The following COPB1 variants were observed in gnomAD, a reference collection of about 807,000 sequenced individuals.
The protein encoded by COPB1 is coatomer subunit beta.
A neutral mutation model predicts 108.7 loss-of-function variants in COPB1; 21 were observed. The ratio of observed to expected loss-of-function variants is 0.19; its 90% CI spans 0.14 to 0.28. The LOEUF (loss-of-function observed/expected upper bound fraction) is 0.28. COPB1 is among the 10% of genes least tolerant of loss of function. The pLI, the probability that COPB1 is intolerant of heterozygous loss-of-function variation, is 1.00. For synonymous variants in COPB1, 378 were observed against 386.8 expected (o/e 0.98, Z 0.27); for missense variants, 919 against 1,141.3 (o/e 0.81, Z 2.81).
chr11:14,481,102 A>G lies in COPB1; in HGVS notation c.958-5T>C. On this transcript the variant is annotated splice_region_variant and splice_polypyrimidine_tract_variant and intron_variant, in intron 8 of 21. Transcript: ENST00000439561. ...TAGGATATCCATAACCAGATCCTAA[A>G]AAAGAAGAAAAAATCAAGAATTAAC... 4 of 1,595,864 alleles carry G rather than the reference A, an allele frequency of 2.5e-6. No homozygotes were observed. The highest frequency in any genetic ancestry group is 1.1e-5 in the South Asian group (1 of 88,100).
chr11:14,496,745 T>C (rs758902343), intron 2 of COPB1, among the ~76,000 whole-genome samples: 2 of 149,098 alleles, frequency 1.3e-5, no homozygotes, highest in Non-Finnish European at 3.0e-5. Context: ...TAGCCAAAGC[T>C]ATCCTAAGCA....
intron 4 of COPB1, among the ~76,000 whole-genome samples, chr11:14,492,112 T>G (rs1850917766): frequency 6.6e-6 from 1 of 152,206 alleles, no homozygotes; most frequent in Admixed American, 6.5e-5. Flanking sequence ...TCTGTAAATA[T>G]ATTGGTAGGT....
At position 14,466,301 on chromosome 11, in the gene COPB1, T is replaced by C. The variant is rs371432538; in HGVS notation, c.2271A>G (p.Thr757=). The change falls in exon 17 of 22, where the codon ACA becomes ACG. Residue 757 remains threonine, a synonymous_variant. Coordinates refer to ENST00000439561, the MANE Select transcript of COPB1 (RefSeq NM_001144061.2). ...NQTSDTLQNC[T]LELATLGDLK... is the part of the protein sequence containing the mutation. ...CCTCACCTAGTGTAGCTAGTTCTAATGTGCAATTCTGCAAAGTATCACTGG... is the reference window on the plus strand; with the variant it reads ...CCTCACCTAGTGTAGCTAGTTCTAACGTGCAATTCTGCAAAGTATCACTGG... The C allele has an allele frequency of 5.6e-6, 9 of 1,613,364 alleles. No individual in the cohort carries two copies. The highest frequency in any genetic ancestry group is 6.8e-6 in the Non-Finnish European group (8 of 1,179,698).
chr11:14,467,971 G>A (rs1414605390), intron 16 of COPB1, among the ~76,000 whole-genome samples: 1 of 152,100 alleles, frequency 6.6e-6, no homozygotes, highest in Non-Finnish European at 1.5e-5. Flanking sequence ...GGAGATGGCT[G>A]CATAACAATA....
intron 21 of COPB1, 106 bp downstream of exon 21, chr11:14,458,426 T>C: frequency 1.9e-6 from 2 of 1,066,216 alleles, no homozygotes; most frequent in South Asian, 1.8e-5. Flanking sequence ...TGTATGTGTA[T>C]ATGCATCTAA....
chr11:14,494,152 T>C, intron 3 of COPB1, 58 bp downstream of exon 3: 2 of 1,214,722 alleles, frequency 1.6e-6, no homozygotes, highest in Non-Finnish European at 2.4e-6. Flanking sequence ...CAGCCCATTC[T>C]ACCAATTTTA....
chr11:14,478,012 AAAAAAAC>A (rs992496977), intron 11 of COPB1, among the ~76,000 whole-genome samples: 5 of 145,900 alleles, frequency 3.4e-5, no homozygotes, highest in Non-Finnish European at 4.5e-5. Context: ...TCTCAATAAC[AAAAAAAC>A]AAAAAACAAA....
At chr11:14,458,832 T>G in intron 20 of COPB1, 145 bp from the exon 21 acceptor site, 1 of 645,932 alleles carries the variant, frequency 1.5e-6, no homozygotes, top group Non-Finnish European at 2.4e-6. Flanking sequence ...TGCAGTGGCG[T>G]GATCTCGGCT....
At position 14,458,520 on chromosome 11, in the gene COPB1, A is replaced by G. The variant is rs79220891; in HGVS notation, c.2802+12T>C. ...AGTCCAGAGATACTCTCAAAAAAAA[A>G]GGAACTGTTACCTGGCTCTTTGCAC... On this transcript the variant is annotated intron_variant, in intron 21 of 21. Coordinates refer to ENST00000439561, the MANE Select transcript of COPB1 (RefSeq NM_001144061.2). 11 of 1,596,224 alleles carry G rather than the reference A, an allele frequency of 6.9e-6. No homozygotes were observed. The highest frequency in any genetic ancestry group is 1.8e-5 in the Admixed American group (1 of 54,792).
intron 1 of COPB1, 141 bp from the exon 2 acceptor site, chr11:14,499,126 C>T (rs1334193613): frequency 3.7e-6 from 2 of 540,930 alleles, no homozygotes; most frequent in East Asian, 6.2e-5. Context: ...CTAGTAAAAA[C>T]CACATTATCA....
At chr11:14,486,196 A>G (rs1389679174) in intron 7 of COPB1, among the ~76,000 whole-genome samples, 171 bp downstream of exon 7, 1 of 152,246 alleles carries the variant, frequency 6.6e-6, no homozygotes, top group Non-Finnish European at 1.5e-5. Flanking sequence ...GAAAGCAGGA[A>G]GGAAGAAAAG....
intron 18 of COPB1, 118 bp downstream of exon 18, chr11:14,464,793 C>G: frequency 3.6e-6 from 4 of 1,113,862 alleles, no homozygotes; most frequent in Non-Finnish European, 5.1e-6. Flanking sequence ...GAGAGTATCT[C>G]ATAAATTATG....
intron 8 of COPB1, 111 bp from the exon 9 acceptor site, chr11:14,481,208 A>C (rs1850653342): frequency 3.9e-6 from 3 of 776,466 alleles, no homozygotes; most frequent in South Asian, 3.5e-5. Context: ...TTCTTTAATC[A>C]ATAACAAAAC....
intron 16 of COPB1, among the ~76,000 whole-genome samples, chr11:14,467,835 T>A (rs751169089): frequency 1.4e-4 from 22 of 152,112 alleles, no homozygotes; most frequent in Admixed American, 7.2e-4. Flanking sequence ...GTACTTAAAA[T>A]AGTCAAAATC....
At chr11:14,495,763 G>C (rs1851005364) in intron 2 of COPB1, among the ~76,000 whole-genome samples, 1 of 152,084 alleles carries the variant, frequency 6.6e-6, no homozygotes, top group Non-Finnish European at 1.5e-5. Flanking sequence ...TTAAGACTAG[G>C]GCATTGTTCC....
chr11:14,475,749 T>C (rs1211286399), intron 13 of COPB1, 36 bp downstream of exon 13: 1 of 1,468,744 alleles, frequency 6.8e-7, no homozygotes, highest in Non-Finnish European at 9.0e-7. Context: ...ATAATAAAAG[T>C]AGTACAGCTG....
chr11:14,483,726 G>A (rs903979428), intron 7 of COPB1, among the ~76,000 whole-genome samples: 7 of 150,924 alleles, frequency 4.6e-5, no homozygotes, highest in African/African-American at 1.7e-4. Context: ...AGGGAGGGAG[G>A]GAAGAGAAAG....
rs1312672003 is a variant in COPB1, at chr11:14,470,094, T to G, written c.1738-531A>C. ...CAATTCCAAAATACAGCTTCTATAC[T>G]CTGAATTCAAATAAATCTCCCTAAA... On this transcript the variant is annotated intron_variant, in intron 14 of 21. Transcript: ENST00000439561. Among the ~76,000 whole-genome samples, 3 of 152,252 alleles carry G rather than the reference T, an allele frequency of 2.0e-5. No homozygotes were observed. The East Asian group carries it at 5.8e-4, about 29-fold the overall frequency.
intron 6 of COPB1, among the ~76,000 whole-genome samples, chr11:14,486,995 A>G (rs973745768): frequency 7.2e-5 from 11 of 152,162 alleles, no homozygotes; most frequent in Non-Finnish European, 1.0e-4. Flanking sequence ...GCCAAAGGGA[A>G]ACATGACGGA....
Sources: allele counts gnomAD v4.1 joint callset (sites outside exome capture counted in the v4.1 genomes callset), GRCh38; gene constraint gnomAD v4.1.1; transcripts MANE v1.5; gene names NCBI Gene and HGNC (gene_info 2026-07-23, HGNC 2026-07-21).